Variants in SLC31A1 observed in about 807,000 individuals in gnomAD.
SLC31A1 encodes the protein high affinity copper uptake protein 1.
Under a neutral mutation model 17.2 loss-of-function variants are expected in SLC31A1, and 5 were observed. The ratio of observed to expected loss-of-function variants is 0.29; its 90% CI spans 0.15 to 0.61. SLC31A1 has a LOEUF of 0.61. Ranked by LOEUF, SLC31A1 falls within the 20% of genes least tolerant of loss-of-function variation. SLC31A1 has a pLI of 0.86. For synonymous variants in SLC31A1, 76 were observed against 78.8 expected (o/e 0.96, Z 0.19); for missense variants, 161 against 241.4 (o/e 0.67, Z 2.21).
At chr9:113,243,690 C>T (rs1831546143) in intron 1 of SLC31A1, among the ~76,000 whole-genome samples, 1 of 152,102 alleles carries the variant, frequency 6.6e-6, no homozygotes, top group African/African-American at 2.4e-5. Context: ...GCACCACTGC[C>T]CCCAGCTTTT....
At chr9:113,255,351 A>G (rs1452249642) in intron 1 of SLC31A1, among the ~76,000 whole-genome samples, 1 of 152,206 alleles carries the variant, frequency 6.6e-6, no homozygotes, top group African/African-American at 2.4e-5. Flanking sequence ...GTTTCCTGCA[A>G]CCCAAAGAAG....
chr9:113,257,941 T>G (rs1387001675), intron 3 of SLC31A1, among the ~76,000 whole-genome samples: 1 of 152,206 alleles, frequency 6.6e-6, no homozygotes, highest in Non-Finnish European at 1.5e-5. Flanking sequence ...CCATCAATCA[T>G]AGAGTTAATA....
rs1476822148 is a variant in SLC31A1, at chr9:113,249,848, C to T, written c.-35-6266C>T. On this transcript the variant is annotated intron_variant, in intron 1 of 4. Transcript: ENST00000374212. ...TTTACAAGAAAAAAAACAGACAACC[C>T]CATCAAAAAGTGGGCAAAGGACATG... 7.2e-5 allele frequency among the ~76,000 whole-genome samples: 11 copies of T among 151,908 alleles called. No homozygotes were observed. In the East Asian group the frequency reaches 1.9e-3, roughly 27 times the overall value.
chr9:113,257,806 T>C (rs1324352495), intron 3 of SLC31A1, among the ~76,000 whole-genome samples: 1 of 152,174 alleles, frequency 6.6e-6, no homozygotes, highest in Non-Finnish European at 1.5e-5. Flanking sequence ...TTTACTTATT[T>C]GATAAGTTAT....
intron 4 of SLC31A1, 130 bp from the exon 5 acceptor site, chr9:113,260,142 C>T: frequency 1.3e-6 from 1 of 773,686 alleles, no homozygotes; most frequent in Non-Finnish European, 2.3e-6. Context: ...AAAGAACATT[C>T]AAGTACCCAT....
At chr9:113,246,410 G>A (rs1831578933) in intron 1 of SLC31A1, among the ~76,000 whole-genome samples, 1 of 151,840 alleles carries the variant, frequency 6.6e-6, no homozygotes, top group African/African-American at 2.4e-5. Flanking sequence ...GGAGTGCAGT[G>A]GCACAATCTC....
In SLC31A1 at chr9:113,224,318, T is replaced by A. The variant is rs187517781; in HGVS notation, c.-36+2640T>A. ...CATGGAATGAATACTTAAAGTCACT[T>A]GCAAAGCAGTCTCACTGCAGAATCT... On this transcript the variant is annotated intron_variant, in intron 1 of 4. Coordinates refer to ENST00000374212, the MANE Select transcript of SLC31A1 (RefSeq NM_001859.4). Among the ~76,000 whole-genome samples the A allele has an allele frequency of 7.2e-5, 11 of 152,370 alleles. 1 individual carries two copies. The East Asian group carries it at 9.6e-4, about 13-fold the overall frequency.
At chr9:113,256,779 T>G (rs1831733344) in intron 2 of SLC31A1, among the ~76,000 whole-genome samples, 1 of 151,472 alleles carries the variant, frequency 6.6e-6, no homozygotes, top group Non-Finnish European at 1.5e-5. Flanking sequence ...GAGAATCGCT[T>G]GAACCCAGGA....
intron 1 of SLC31A1, among the ~76,000 whole-genome samples, chr9:113,241,826 C>T (rs1176484862): frequency 1.3e-5 from 2 of 152,170 alleles, no homozygotes; most frequent in African/African-American, 4.8e-5. Context: ...TTCTCAATAC[C>T]ATTCTATCAG....
intron 1 of SLC31A1, among the ~76,000 whole-genome samples, chr9:113,228,258 CAGTT>C (rs1831364182): frequency 6.6e-6 from 1 of 152,118 alleles, no homozygotes; most frequent in African/African-American, 2.4e-5. Flanking sequence ...TACTAAAGCA[CAGTT>C]AGCGGACTGG....
Position 113,258,774 on chromosome 9 carries a change from C to T in SLC31A1, c.283C>T (p.Arg95Cys). ...GLKIARESLL[R>C]KSQVSIRYNS... ...CAAGATAGCCCGAGAGAGCCTGCTG[C>T]GTAAGTCACAAGTCAGCATTCGCTA... Residue 95 changes from arginine to cysteine, a missense_variant, in exon 4 of 5, where the codon CGT (arginine) becomes TGT (cysteine). Transcript: ENST00000374212. This position sits in a 1 kb window ranked among gnomAD's most constrained non-coding sequence, Gnocchi z 4.8. 1 of 1,614,164 alleles carries T rather than the reference C, an allele frequency of 6.2e-7. No homozygotes were observed. Among genetic ancestry groups the T allele is most frequent in the Non-Finnish European group, 8.5e-7 (1 of 1,180,004 alleles).
In SLC31A1 at chr9:113,261,326, T is replaced by A. The variant is rs1831790758; in HGVS notation, c.*853T>A. ...GAGTGGGAAATACATTGTGCCTTTC[T>A]CTAGATGTGATACGTTATACCAAAA... On this transcript the variant is annotated 3_prime_UTR_variant, in exon 5 of 5. Transcript: ENST00000374212. The A allele has an allele frequency of 6.5e-6, 1 of 152,766 alleles. No individual in the cohort carries two copies. The highest frequency in any genetic ancestry group is 6.5e-5 in the Admixed American group (1 of 15,292). The allele number at this position is 152,766 out of a possible 1,614,324, so 9.5% of individuals were successfully genotyped here. A position where few individuals can be genotyped will look rare whatever the true frequency, so the allele number is the denominator to read the frequency against.
chr9:113,245,874 T>C (rs1174987305), intron 1 of SLC31A1, among the ~76,000 whole-genome samples: 1 of 152,180 alleles, frequency 6.6e-6, no homozygotes, highest in East Asian at 1.9e-4. Flanking sequence ...GCTTAAGCGA[T>C]CTGCCTGCCT....
At chr9:113,241,371 C>T (rs75756061) in intron 1 of SLC31A1, among the ~76,000 whole-genome samples, 1 of 152,188 alleles carries the variant, frequency 6.6e-6, no homozygotes, top group Admixed American at 6.5e-5. Flanking sequence ...AGCATCATCA[C>T]TGTCAAATAG....
At chr9:113,242,303 G>A (rs1027362806) in intron 1 of SLC31A1, among the ~76,000 whole-genome samples, 1 of 152,230 alleles carries the variant, frequency 6.6e-6, no homozygotes, top group Non-Finnish European at 1.5e-5. Flanking sequence ...ACAGAAAAGT[G>A]GGGGATGTGT....
At chr9:113,231,541 A>T (rs1233976892) in intron 1 of SLC31A1, among the ~76,000 whole-genome samples, 1 of 150,586 alleles carries the variant, frequency 6.6e-6, no homozygotes, top group Admixed American at 6.6e-5. Context: ...TCCAGCCGGG[A>T]CAACAGAATA....
At chr9:113,251,962 G>T (rs1036878309) in intron 1 of SLC31A1, among the ~76,000 whole-genome samples, 1 of 152,136 alleles carries the variant, frequency 6.6e-6, no homozygotes, top group Non-Finnish European at 1.5e-5. Context: ...TATATCCATT[G>T]TCTACTGACA....
At chr9:113,231,648 T>C (rs1218786308) in intron 1 of SLC31A1, among the ~76,000 whole-genome samples, 3 of 152,196 alleles carry the variant, frequency 2.0e-5, no homozygotes, top group African/African-American at 4.8e-5. Context: ...AGGAACAGCA[T>C]TGGAATGTAT....
rs140751180 is a variant in SLC31A1, at chr9:113,221,813, A to C, written c.-36+135A>C. The stretch of plus-strand genomic sequence containing the variant: ...AGAGCTCGGGACTGGAGGGTTAAAG[A>C]CTGGGGCTTCGGCCCGGCCCCTGCA... On this transcript the variant is annotated intron_variant, in intron 1 of 4. Transcript: ENST00000374212. The C allele has an allele frequency of 8.0e-3, 1,328 of 166,736 alleles. 19 individuals carry two copies. Among genetic ancestry groups the C allele is most frequent in the African/African-American group, 0.03 (1,258 of 41,878 alleles). 10.3% of individuals were successfully genotyped at this position (166,736 alleles called of 1,614,324 possible).
Sources: gnomAD v4.1 joint callset for allele counts (sites outside exome capture counted in the v4.1 genomes callset) on GRCh38, gnomAD v4.1.1 for gene constraint, Gnocchi (gnomAD v3.1) non-coding constraint, MANE v1.5 for transcripts, NCBI Gene and HGNC (gene_info 2026-07-23, HGNC 2026-07-21) for gene names.